Variants in UBA6 observed in about 807,000 individuals in gnomAD.
The protein encoded by UBA6 is ubiquitin-like modifier-activating enzyme 6.
In UBA6, 87 loss-of-function variants were observed where a neutral mutation model predicts 148.3. The observed-to-expected ratio is 0.59, with a 90% CI of 0.49 to 0.70. The LOEUF is 0.70. Among genes scored for constraint, UBA6 ranks in the 30% least tolerant of loss-of-function variants. The pLI, the probability that UBA6 is intolerant of heterozygous loss-of-function variation, is 0.00. For missense variants in UBA6, 1,186 were observed against 1,241.2 expected (o/e 0.96, Z 0.67); for synonymous variants, 376 against 401.0 (o/e 0.94, Z 0.75).
chr4:67,623,979 A>T (rs1035204423), intron 30 of UBA6, 147 bp downstream of exon 30: 8 of 498,054 alleles, frequency 1.6e-5, no homozygotes, highest in African/African-American at 1.6e-4. Flanking sequence ...AATGAAGATG[A>T]GGTTTGAGCT....
chr4:67,673,230 T>C (rs1458233532), intron 7 of UBA6, among the ~76,000 whole-genome samples: 2 of 151,874 alleles, frequency 1.3e-5, no homozygotes, highest in African/African-American at 2.4e-5. Context: ...CTGGCCAACA[T>C]GGTAAAACCC....
At chr4:67,631,460 G>T (rs1226830860) in intron 25 of UBA6, among the ~76,000 whole-genome samples, 1 of 152,046 alleles carries the variant, frequency 6.6e-6, no homozygotes, top group Non-Finnish European at 1.5e-5. Context: ...GGTGATTTTG[G>T]TTTCACCTTA....
intron 17 of UBA6, among the ~76,000 whole-genome samples, chr4:67,643,205 T>A (rs1729347467): frequency 6.6e-6 from 1 of 151,754 alleles, no homozygotes; most frequent in Non-Finnish European, 1.5e-5. Context: ...AGTATAATAA[T>A]AATAAAATAA....
chr4:67,701,056 TC>T lies in UBA6; in HGVS notation c.63del (p.Thr22LeufsTer45). On this transcript the variant is annotated frameshift_variant, in exon 1 of 33. Coordinates refer to ENST00000322244, the MANE Select transcript of UBA6 (RefSeq NM_018227.6). LOFTEE classifies it high-confidence loss of function. ...QGEEASCSSW[G>X]TGSTNKNLPI... ...CCCTTCTCGTCCTCTCACCTGCCAG[TC>T]CCCCAGGAAGAACAGGACGCCTCTT... 6 of 1,613,582 alleles carry T rather than the reference TC, an allele frequency of 3.7e-6. No individual in the cohort carries two copies. The highest frequency in any genetic ancestry group is 5.1e-6 in the Non-Finnish European group (6 of 1,179,702).
At position 67,701,127 on chromosome 4, in the gene UBA6, T is replaced by C; in HGVS notation, c.-8A>G. 1.2e-6 allele frequency: 2 copies of C among 1,612,060 alleles called. No homozygotes were observed. Among genetic ancestry groups the C allele is most frequent in the Non-Finnish European group, 1.7e-6 (2 of 1,179,718 alleles). ...AGGCTCGGATCCTTCCATTGCCGCC[T>C]GAGACACCGCCGCCGGCTACTGGAA... On this transcript the variant is annotated 5_prime_UTR_variant, in exon 1 of 33. Transcript: ENST00000322244.
At chr4:67,619,853 A>G (rs1268102508) in intron 32 of UBA6, among the ~76,000 whole-genome samples, 1 of 152,164 alleles carries the variant, frequency 6.6e-6, no homozygotes, top group Non-Finnish European at 1.5e-5. Flanking sequence ...TGAAGTCATC[A>G]TCTACACACC....
intron 2 of UBA6, among the ~76,000 whole-genome samples, chr4:67,689,788 C>A (rs981438318): frequency 6.6e-6 from 1 of 152,062 alleles, no homozygotes. Context: ...AGGCAACGTA[C>A]CTAGTCTTAG....
At chr4:67,662,475 T>G in intron 12 of UBA6, 1 of 386,310 alleles carries the variant, frequency 2.6e-6, no homozygotes. Flanking sequence ...TTTTTTTTGT[T>G]TTTTTTTTTT....
Position 67,678,541 on chromosome 4 carries a change from A to G in UBA6, c.259-8T>C. On this transcript the variant is annotated splice_polypyrimidine_tract_variant and splice_region_variant and intron_variant, in intron 4 of 32. Transcript: ENST00000322244. ...ATCATGAATTGTAACTGCCTTCAAA[A>G]AAGAAAAAAGTATTGGTTGAAGTCA... 2 of 1,561,618 alleles carry G rather than the reference A, an allele frequency of 1.3e-6. No individual in the cohort carries two copies. The highest frequency in any genetic ancestry group is 8.7e-7 in the Non-Finnish European group (1 of 1,142,944).
chr4:67,700,988 A>G, intron 1 of UBA6, 61 bp downstream of exon 1: 2 of 1,596,574 alleles, frequency 1.3e-6, no homozygotes, highest in East Asian at 2.2e-5. Context: ...AGAAAGAAGC[A>G]GAAACCCGGA....
At chr4:67,623,084 A>G (rs760173603) in intron 31 of UBA6, 51 bp downstream of exon 31, 68 of 1,465,222 alleles carry the variant, frequency 4.6e-5, no homozygotes, top group Non-Finnish European at 2.8e-6. Flanking sequence ...AAAACAAAAC[A>G]GAAACCAGAC....
intron 32 of UBA6, 123 bp from the exon 33 acceptor site, chr4:67,619,255 T>C: frequency 1.5e-6 from 1 of 684,588 alleles, no homozygotes; most frequent in Middle Eastern, 4.0e-4. Context: ...AATAATAATC[T>C]GCTTTCACAT....
At chr4:67,637,700 C>T (rs13139598) in intron 19 of UBA6, among the ~76,000 whole-genome samples, 30,795 of 151,764 alleles carry the variant, frequency 0.2, 3,387 homozygotes, top group Middle Eastern at 0.3. Context: ...GGATTAAGGG[C>T]GGTGCAAGAT....
intron 19 of UBA6, among the ~76,000 whole-genome samples, chr4:67,636,314 T>A (rs982405257): frequency 1.3e-5 from 2 of 152,136 alleles, no homozygotes; most frequent in Non-Finnish European, 2.9e-5. Flanking sequence ...CATAGGAGGA[T>A]TTAATTTAGA....
In UBA6 at chr4:67,672,358, G is replaced by A. The variant is rs555479742; in HGVS notation, c.546+1339C>T. Among the ~76,000 whole-genome samples, 6 of 152,184 alleles carry A rather than the reference G, an allele frequency of 3.9e-5. No homozygotes were observed. In the South Asian group the frequency reaches 8.3e-4, roughly 21 times the overall value. On this transcript the variant is annotated intron_variant, in intron 7 of 32. Coordinates refer to ENST00000322244, the MANE Select transcript of UBA6 (RefSeq NM_018227.6). ...AGACTCTGGAAAACTCCACTCTGCC[G>A]CCTAAGATAATCAGAATGAAAAAGG... is the stretch of plus-strand genomic sequence containing the variant.
Position 67,614,996 on chromosome 4 carries a change from T to C in UBA6, c.*4001A>G, listed in dbSNP as rs752653256. The C allele has an allele frequency of 4.6e-5, 7 of 152,152 alleles. No homozygotes were observed. The highest frequency in any genetic ancestry group is 1.0e-4 in the Non-Finnish European group (7 of 68,018). The allele number at this position is 152,152 out of a possible 1,614,324, so 9.4% of individuals were successfully genotyped here. ...AGAGAAATGCAGAGTGACACTTCAA[T>C]GAGATACAATTGCACATCCACCAGA... On this transcript the variant is annotated 3_prime_UTR_variant, in exon 33 of 33. Transcript: ENST00000322244.
At chr4:67,681,684 T>C (rs185218408) in intron 3 of UBA6, 93 bp from the exon 4 acceptor site, 1 of 804,602 alleles carries the variant, frequency 1.2e-6, no homozygotes, top group Middle Eastern at 2.5e-4. Flanking sequence ...GACTGCATAC[T>C]TTTAACTTCT....
chr4:67,662,385 G>A, intron 12 of UBA6, 130 bp from the exon 13 acceptor site: 1 of 644,984 alleles, frequency 1.6e-6, no homozygotes, highest in Non-Finnish European at 2.6e-6. Context: ...AGCACAAAAT[G>A]TTGTACTGAT....
chr4:67,657,826 C>CAAAAAAAAAAAAAAAAAAAAAAAAA (rs57984969), intron 13 of UBA6, among the ~76,000 whole-genome samples: 1 of 115,132 alleles, frequency 8.7e-6, no homozygotes, highest in Non-Finnish European at 1.7e-5. Flanking sequence ...AACAAATTTA[C>CAAAAAAAAAAAAAAAAAAAAAAAAA]AAAAAAAAAA....
Sources: gnomAD v4.1 joint callset for allele counts (sites outside exome capture counted in the v4.1 genomes callset) on GRCh38, gnomAD v4.1.1 for gene constraint, MANE v1.5 for transcripts, NCBI Gene and HGNC (gene_info 2026-07-23, HGNC 2026-07-21) for gene names.